PADI6: variants seen among roughly 807,000 people sequenced by gnomAD.
PADI6 encodes inactive protein-arginine deiminase type-6.
In PADI6, 66 loss-of-function variants were observed where a neutral mutation model predicts 78.2. The ratio of observed to expected loss-of-function variants is 0.84; its 90% CI spans 0.69 to 1.04. PADI6 has a LOEUF of 1.04. Ranked by LOEUF, PADI6 falls within the 50% of genes least tolerant of loss-of-function variation. The pLI is 0.00. For missense variants in PADI6, 854 were observed against 866.1 expected (o/e 0.99, Z 0.18); for synonymous variants, 397 against 346.9 (o/e 1.14, Z -1.60).
At chr1:17,373,495 T>G (rs2074984384) in intron 2 of PADI6, among the ~76,000 whole-genome samples, 1 of 113,670 alleles carries the variant, frequency 8.8e-6, no homozygotes, top group African/African-American at 3.3e-5. Context: ...TTTCATTTAT[T>G]TATTATTATT....
Position 17,393,640 on chromosome 1 carries a change from A to G in PADI6, c.1075-335A>G, listed in dbSNP as rs561422848. Among the ~76,000 whole-genome samples the G allele has an allele frequency of 1.1e-4, 17 of 152,120 alleles. No homozygotes were observed. The East Asian group carries it at 3.3e-3, about 30-fold the overall frequency. Reference sequence around the variant, plus strand: ...AGGCATGAGCCACCATGCCTGGCTAACTTTTTGGTTTTGTTTTAAGTAGAC... The same window carrying G: ...AGGCATGAGCCACCATGCCTGGCTAGCTTTTTGGTTTTGTTTTAAGTAGAC... On this transcript the variant is annotated intron_variant, in intron 9 of 15. Transcript: ENST00000619609.
chr1:17,385,735 C>T (rs1189080553), intron 6 of PADI6, among the ~76,000 whole-genome samples: 3 of 83,630 alleles, frequency 3.6e-5, no homozygotes, highest in Admixed American at 1.2e-4. Flanking sequence ...AGGATGACAT[C>T]GTCGTCCCCA....
In PADI6 at chr1:17,394,936, C is replaced by G; in HGVS notation, c.1338-15C>G. ...CACACTGGCTCAAGAGCTGTTCTTTCCATCTTCCTTCTAGCGCAGAGGGCC... is the reference window on the plus strand; with the variant it reads ...CACACTGGCTCAAGAGCTGTTCTTTGCATCTTCCTTCTAGCGCAGAGGGCC... On this transcript the variant is annotated splice_polypyrimidine_tract_variant and intron_variant, in intron 11 of 15. Coordinates refer to ENST00000619609, the MANE Select transcript of PADI6 (RefSeq NM_207421.4). 1 of 1,596,894 alleles carries G rather than the reference C, an allele frequency of 6.3e-7. No individual in the cohort carries two copies. The highest frequency in any genetic ancestry group is 8.5e-7 in the Non-Finnish European group (1 of 1,172,336).
chr1:17,395,550 T>A lies in PADI6; in HGVS notation c.1505T>A (p.Leu502Gln). ...AGTTCTGTTTCCCAGGGCTTCCTGC[T>A]GCTCCTGGCCAGCCCCAGTGCCTGC... ...DKNEGKKGFL[L>Q]LLASPSACYK... Residue 502 changes from leucine (L) to glutamine (Q), a missense_variant, in exon 13 of 16, where the codon CTG becomes CAG. Coordinates refer to ENST00000619609, the MANE Select transcript of PADI6 (RefSeq NM_207421.4). 1 of 1,555,874 alleles carries A rather than the reference T, an allele frequency of 6.4e-7. No individual in the cohort carries two copies.
intron 14 of PADI6, among the ~76,000 whole-genome samples, chr1:17,398,175 T>C (rs1378860726): frequency 2.6e-5 from 4 of 152,192 alleles, no homozygotes; most frequent in African/African-American, 9.7e-5. Flanking sequence ...CAAGGAATGT[T>C]CTATGCCCCG....
At chr1:17,384,028 T>G (rs1195744963) in intron 6 of PADI6, among the ~76,000 whole-genome samples, 1 of 151,070 alleles carries the variant, frequency 6.6e-6, no homozygotes, top group East Asian at 2.0e-4. Context: ...CATATACCTA[T>G]AATCCCAACT....
chr1:17,372,554 T>C (rs371994867), intron 1 of PADI6, among the ~76,000 whole-genome samples, 193 bp downstream of exon 1: 1 of 152,170 alleles, frequency 6.6e-6, no homozygotes, highest in African/African-American at 2.4e-5. Flanking sequence ...ATCCTGCCTC[T>C]GCCCTGTAGC....
chr1:17,384,213 T>C (rs1309999572), intron 6 of PADI6, among the ~76,000 whole-genome samples: 1 of 151,760 alleles, frequency 6.6e-6, no homozygotes, highest in African/African-American at 2.4e-5. Context: ...TCCAGGTGAC[T>C]CTGAAACATG....
chr1:17,397,387 T>C (rs545407787), intron 14 of PADI6, among the ~76,000 whole-genome samples: 1 of 152,234 alleles, frequency 6.6e-6, no homozygotes, highest in South Asian at 2.1e-4. Flanking sequence ...CGATGTACCT[T>C]TATGCTTGGA....
In PADI6 at chr1:17,392,215, G is replaced by C. The variant is rs1297601273; in HGVS notation, c.1064G>C (p.Arg355Thr). 1 of 1,553,854 alleles carries C rather than the reference G, an allele frequency of 6.4e-7. No homozygotes were observed. Among genetic ancestry groups the C allele is most frequent in the Non-Finnish European group, 8.7e-7 (1 of 1,148,360 alleles). ...TATGAGGACCCCAACCGCCTGGGCA[G>C]GTGGCTCCAGGTAACACCCCACCTG... ...SVYEDPNRLG[R>T]WLQDEMAFCY... is the part of the protein sequence containing the mutation. Residue 355 changes from arginine to threonine, a missense_variant, in exon 9 of 16, where the codon AGG (arginine) becomes ACG (threonine). Arg to Thr is a moderately conservative substitution (Grantham distance 71, BLOSUM62 -1). Coordinates refer to ENST00000619609, the MANE Select transcript of PADI6 (RefSeq NM_207421.4).
At chr1:17,383,127 G>A (rs965171443) in intron 6 of PADI6, among the ~76,000 whole-genome samples, 3 of 152,180 alleles carry the variant, frequency 2.0e-5, no homozygotes, top group Non-Finnish European at 4.4e-5. Context: ...CTTCAGCTAC[G>A]CAACGCAGGG....
rs773828760 is a variant in PADI6, at chr1:17,394,410, G to C, written c.1293G>C (p.Glu431Asp). 6.2e-7 allele frequency: 1 copy of C among 1,613,780 alleles called. No homozygotes were observed. Among genetic ancestry groups the C allele is most frequent in the Non-Finnish European group, 8.5e-7 (1 of 1,179,824 alleles). ...VSPPVKVQGKEYPLGRVLIGS... is the reference protein window; with the variant it reads ...VSPPVKVQGKDYPLGRVLIGS... ...CACCTGTCAAGGTCCAAGGGAAAGA[G>C]TACCCGCTGGGCAGAGTCCTCATTG... Residue 431 changes from glutamate to aspartate, a missense_variant, in exon 11 of 16, where the codon GAG (glutamate) becomes GAC (aspartate). Coordinates refer to ENST00000619609, the MANE Select transcript of PADI6 (RefSeq NM_207421.4).
intron 8 of PADI6, among the ~76,000 whole-genome samples, chr1:17,389,117 G>C (rs903110398): frequency 7.9e-5 from 12 of 152,184 alleles, no homozygotes; most frequent in Non-Finnish European, 1.8e-4. Context: ...GGGCCAAACG[G>C]CATGGTTTTA....
chr1:17,390,602 C>CAAAAA (rs11410245), intron 8 of PADI6, among the ~76,000 whole-genome samples: 29,876 of 133,828 alleles, frequency 0.22, 3,437 homozygotes, highest in Admixed American at 0.27. Context: ...GATTCCATCT[C>CAAAAA]AAAAAAAAAA....
At position 17,401,231 on chromosome 1, in the gene PADI6, C is replaced by T; in HGVS notation, c.1878C>T (p.Asn626=). 6.2e-7 allele frequency: 1 copy of T among 1,614,026 alleles called. No homozygotes were observed. The highest frequency in any genetic ancestry group is 8.5e-7 in the Non-Finnish European group (1 of 1,179,876). The change falls in exon 16 of 16, where the codon AAC becomes AAT. Residue 626 remains asparagine, a synonymous_variant. Coordinates refer to ENST00000619609, the MANE Select transcript of PADI6 (RefSeq NM_207421.4). ...TGCGGATGATTGTGATGGGCAAGAA[C>T]CTGGGGATCCCCAAGCCTTTTGGGC... ...DLLRMIVMGK[N]LGIPKPFGPQ...
chr1:17,382,049 C>T lies in PADI6; in HGVS notation c.636C>T (p.Thr212=), dbSNP rs1266334637. Residue 212 remains threonine (T), a synonymous_variant, in exon 6 of 16, where the codon ACC becomes ACT. Transcript: ENST00000619609. ...ILKKYRLVLH[T]SKEESKKARV... ...AGAAATATCGGCTAGTCCTCCATAC[C>T]TCCAAGGAAGAGTCGAAGAAGGCGA... 1 of 1,614,010 alleles carries T rather than the reference C, an allele frequency of 6.2e-7. No individual in the cohort carries two copies. The highest frequency in any genetic ancestry group is 8.5e-7 in the Non-Finnish European group (1 of 1,179,866).
intron 13 of PADI6, among the ~76,000 whole-genome samples, chr1:17,396,326 C>A (rs542989608): frequency 1.3e-5 from 2 of 152,126 alleles, no homozygotes; most frequent in South Asian, 2.1e-4. Flanking sequence ...GTGGAGGTTG[C>A]GGTGAGCTAA....
At chr1:17,398,995 C>T (rs943140917) in intron 15 of PADI6, 148 bp downstream of exon 15, 28 of 889,762 alleles carry the variant, frequency 3.1e-5, no homozygotes, top group Admixed American at 8.3e-5. Context: ...TCCCCCATCT[C>T]GGTTAGGGAC....
chr1:17,380,676 A>G (rs2075064507), intron 4 of PADI6, among the ~76,000 whole-genome samples: 1 of 152,166 alleles, frequency 6.6e-6, no homozygotes, highest in Non-Finnish European at 1.5e-5. Flanking sequence ...TCACTAAAAA[A>G]AAAACCAGAA....
Sources: gnomAD v4.1 joint callset for allele counts (sites outside exome capture counted in the v4.1 genomes callset) on GRCh38, gnomAD v4.1.1 for gene constraint, MANE v1.5 for transcripts, NCBI Gene and HGNC (gene_info 2026-07-23, HGNC 2026-07-21) for gene names.